TBC1D8: variants seen among roughly 807,000 people sequenced by gnomAD.
TBC1D8 encodes BUB2-like protein 1.
A neutral mutation model predicts 118.8 loss-of-function variants in TBC1D8; 65 were observed. The ratio of observed to expected loss-of-function variants is 0.55; its 90% CI spans 0.45 to 0.67. The LOEUF (loss-of-function observed/expected upper bound fraction) is 0.67. Ranked by LOEUF, TBC1D8 falls within the 30% of genes least tolerant of loss-of-function variation. The probability of loss-of-function intolerance (pLI) is 0.00; values close to 1 mark genes in which losing one functional copy is unlikely to be tolerated. For missense variants in TBC1D8, 1,376 were observed against 1,471.2 expected (o/e 0.94, Z 1.06); for synonymous variants, 566 against 595.8 (o/e 0.95, Z 0.73).
At chr2:101,118,621 C>T (rs1021445909) in intron 1 of TBC1D8, among the ~76,000 whole-genome samples, 3 of 147,828 alleles carry the variant, frequency 2.0e-5, no homozygotes, top group African/African-American at 2.5e-5. Flanking sequence ...GGCGTGAACC[C>T]GGGAGGCGGA....
intron 1 of TBC1D8, among the ~76,000 whole-genome samples, chr2:101,128,436 C>A (rs1303627462): frequency 6.6e-6 from 1 of 152,204 alleles, no homozygotes; most frequent in African/African-American, 2.4e-5. Context: ...GGGCCCATGA[C>A]TGGGGCCTCA....
Position 101,040,167 on chromosome 2 carries a change from G to A in TBC1D8, c.1080+11C>T, listed in dbSNP as rs779183057. 1.9e-6 allele frequency: 3 copies of A among 1,612,842 alleles called. No homozygotes were observed. The highest frequency in any genetic ancestry group is 2.5e-6 in the Non-Finnish European group (3 of 1,179,202). On this transcript the variant is annotated intron_variant, in intron 6 of 19. Coordinates refer to ENST00000409318, the MANE Select transcript of TBC1D8 (RefSeq NM_001330348.2). ...GGCTGCTTCGGGAAGCAGACAGTAG[G>A]GCCAGTCTACCTCTCTGAGTGGCAG...
intron 2 of TBC1D8, among the ~76,000 whole-genome samples, chr2:101,062,571 C>T (rs965977487): frequency 6.6e-6 from 1 of 152,290 alleles, no homozygotes; most frequent in Admixed American, 6.5e-5. Flanking sequence ...GAAGGGCAAA[C>T]CAGGGCATGA....
At chr2:101,011,200 C>T (rs1171933168) in intron 18 of TBC1D8, 174 bp from the exon 19 acceptor site, 2 of 712,756 alleles carry the variant, frequency 2.8e-6, no homozygotes, top group South Asian at 3.8e-5. Context: ...AACTGGGGGA[C>T]TTCTGCTCTA....
chr2:101,009,028 T>C (rs193141428), intron 19 of TBC1D8, among the ~76,000 whole-genome samples: 3 of 152,058 alleles, frequency 2.0e-5, no homozygotes, highest in Admixed American at 1.3e-4. Flanking sequence ...GCTGCTGAAA[T>C]TGAGAATACG....
chr2:101,088,712 A>G (rs1675808856), intron 2 of TBC1D8, among the ~76,000 whole-genome samples: 1 of 152,096 alleles, frequency 6.6e-6, no homozygotes, highest in Non-Finnish European at 1.5e-5. Flanking sequence ...TTGAGACTAC[A>G]GGTACACACC....
chr2:101,083,258 A>G (rs1675381703), intron 2 of TBC1D8, among the ~76,000 whole-genome samples: 1 of 152,146 alleles, frequency 6.6e-6, no homozygotes, highest in Admixed American at 6.5e-5. Flanking sequence ...GGTCACAAGT[A>G]TGACTCTCAG....
intron 2 of TBC1D8, among the ~76,000 whole-genome samples, chr2:101,061,187 C>CA (rs397785120): frequency 0.5 from 25,885 of 52,106 alleles, 6,304 homozygotes; most frequent in Non-Finnish European, 0.55. Flanking sequence ...GACTCTGTCT[C>CA]AAAAAAAAAA....
At position 101,084,547 on chromosome 2, in the gene TBC1D8, TC is replaced by T. The variant is rs112744429; in HGVS notation, c.283+5661del. Reference sequence around the variant, plus strand: ...GCCTGGGCAACAAAGTGAGACTCTGTCTCAAAAAAAAGAAACACACATCCCT... The same window carrying T: ...GCCTGGGCAACAAAGTGAGACTCTGTTCAAAAAAAAGAAACACACATCCCT... On this transcript the variant is annotated intron_variant, in intron 2 of 19. Transcript: ENST00000409318. Among the ~76,000 whole-genome samples, 1,445 of 152,036 alleles carry T rather than the reference TC, an allele frequency of 9.5e-3. 26 individuals are homozygous for T. The highest frequency in any genetic ancestry group is 0.033 in the African/African-American group (1,363 of 41,454).
chr2:101,051,971 C>T (rs1682102737), intron 4 of TBC1D8, among the ~76,000 whole-genome samples: 2 of 152,236 alleles, frequency 1.3e-5, no homozygotes, highest in Non-Finnish European at 1.5e-5. Flanking sequence ...GTAAAACTTC[C>T]CAAGCTGCTG....
At chr2:101,129,561 G>C (rs1678496520) in intron 1 of TBC1D8, among the ~76,000 whole-genome samples, 1 of 152,174 alleles carries the variant, frequency 6.6e-6, no homozygotes, top group Non-Finnish European at 1.5e-5. Context: ...AAGGTGGGCT[G>C]GAAGAAGGCA....
chr2:101,027,824 C>T (rs1410155213), intron 14 of TBC1D8, among the ~76,000 whole-genome samples: 2 of 152,262 alleles, frequency 1.3e-5, no homozygotes, highest in Admixed American at 6.5e-5. Context: ...GCACTGTTAT[C>T]CCCATTTTAC....
In TBC1D8 at chr2:101,010,968, T is replaced by A. The variant is rs1175682507; in HGVS notation, c.2976A>T (p.Glu992Asp). Residue 992 changes from glutamate (E) to aspartate (D), a missense_variant, in exon 19 of 20, where the codon GAA becomes GAT. Coordinates refer to ENST00000409318, the MANE Select transcript of TBC1D8 (RefSeq NM_001330348.2). Reference sequence around the variant, plus strand: ...GCAATTCTTTCTCAGTTTTATCTTTTTCTTTGGCTAAATCCTTAATCATCT... The same window carrying A: ...GCAATTCTTTCTCAGTTTTATCTTTATCTTTGGCTAAATCCTTAATCATCT... ...LKQMIKDLAKEKDKTEKELPK... is the reference protein window; with the variant it reads ...LKQMIKDLAKDKDKTEKELPK... The A allele has an allele frequency of 6.2e-7, 1 of 1,613,066 alleles. No individual in the cohort carries two copies.
intron 3 of TBC1D8, among the ~76,000 whole-genome samples, chr2:101,054,619 T>C (rs1369837056): frequency 6.8e-6 from 1 of 146,828 alleles, no homozygotes; most frequent in Admixed American, 6.8e-5. Context: ...TCTGGGCAAA[T>C]CATTTGACTT....
At chr2:101,020,106 T>C (rs1573876859) in intron 17 of TBC1D8, among the ~76,000 whole-genome samples, 1 of 148,460 alleles carries the variant, frequency 6.7e-6, no homozygotes, top group Non-Finnish European at 1.5e-5. Context: ...AGATGAAGAA[T>C]CAAAAATCAA....
intron 3 of TBC1D8, 97 bp from the exon 4 acceptor site, chr2:101,054,433 C>T: frequency 2.4e-6 from 3 of 1,265,972 alleles, no homozygotes; most frequent in Non-Finnish European, 3.3e-6. Context: ...GGTGCACAGG[C>T]CCCCGAGAAG....
At chr2:101,125,552 G>A (rs933374063) in intron 1 of TBC1D8, among the ~76,000 whole-genome samples, 4 of 152,058 alleles carry the variant, frequency 2.6e-5, no homozygotes, top group African/African-American at 7.2e-5. Context: ...GGTCAGCCCC[G>A]TGCCCTTACT....
At position 101,090,191 on chromosome 2, in the gene TBC1D8, A is replaced by T. The variant is rs763765205; in HGVS notation, c.283+18T>A. On this transcript the variant is annotated intron_variant, in intron 2 of 19. Transcript: ENST00000409318. ...TACACCTTAAGGTTTGGAACATTCC[A>T]ACTGGAACAAAACTCACCAGTGGCT... 6.2e-7 allele frequency: 1 copy of T among 1,606,260 alleles called. No individual in the cohort carries two copies. The highest frequency in any genetic ancestry group is 8.5e-7 in the Non-Finnish European group (1 of 1,176,054).
intron 17 of TBC1D8, among the ~76,000 whole-genome samples, chr2:101,014,961 A>T (rs1051137558): frequency 4.0e-5 from 6 of 151,010 alleles, no homozygotes; most frequent in African/African-American, 1.5e-4. Flanking sequence ...ATATTCTGTG[A>T]AATCTATTAT....
Sources: gnomAD v4.1 joint callset for allele counts (sites outside exome capture counted in the v4.1 genomes callset) on GRCh38, gnomAD v4.1.1 for gene constraint, MANE v1.5 for transcripts, NCBI Gene and HGNC (gene_info 2026-07-23, HGNC 2026-07-21) for gene names.